PHACTR2: variants seen among roughly 807,000 people sequenced by gnomAD.
PHACTR2 encodes the protein chromosome 6 open reading frame 56.
In PHACTR2, 30 loss-of-function variants were observed where a neutral mutation model predicts 76.0. The ratio of observed to expected loss-of-function variants is 0.39; its 90% confidence interval spans 0.30 to 0.54. PHACTR2 has a LOEUF of 0.54. Ranked by LOEUF, PHACTR2 falls within the 20% of genes least tolerant of loss-of-function variation. The pLI is 0.61. For synonymous variants in PHACTR2, 292 were observed against 292.5 expected (o/e 1.00, Z 0.02); for missense variants, 696 against 781.1 (o/e 0.89, Z 1.30).
chr6:143,649,315 A>T (rs910029985), intron 1 of PHACTR2, among the ~76,000 whole-genome samples: 8 of 152,080 alleles, frequency 5.3e-5, no homozygotes, highest in African/African-American at 1.9e-4. Flanking sequence ...TGGCTTTAAA[A>T]TGCTGGTAAA....
chr6:143,819,406 G>C lies in PHACTR2; in HGVS notation c.1923-4268G>C, dbSNP rs1205256423. Among the ~76,000 whole-genome samples the C allele has an allele frequency of 6.6e-6, 1 of 152,194 alleles. No individual in the cohort carries two copies. Among genetic ancestry groups the C allele is most frequent in the Non-Finnish European group, 1.5e-5 (1 of 68,036 alleles). ...GGTCTGTATCTGTCTGAGTTCTCCA[G>C]AGAAACAAAACCAATAAGATATATG... On this transcript the variant is annotated intron_variant, in intron 12 of 12. Coordinates refer to ENST00000440869, the MANE Select transcript of PHACTR2 (RefSeq NM_001100164.2). This position sits in a 1 kb window ranked among gnomAD's most constrained non-coding sequence, Gnocchi z 5.0.
In PHACTR2 at chr6:143,617,365, A is replaced by G. The variant is rs1349683984; in HGVS notation, c.13+9043A>G. 6.6e-6 allele frequency among the ~76,000 whole-genome samples: 1 copy of G among 152,208 alleles called. No homozygotes were observed. The highest frequency in any genetic ancestry group is 1.5e-5 in the Non-Finnish European group (1 of 68,044). Reference sequence around the variant, plus strand: ...CCAGATTTAAAAGTCTTGAGGGCAGATGCCACATCATAGACATCTTTTATG... The same window carrying G: ...CCAGATTTAAAAGTCTTGAGGGCAGGTGCCACATCATAGACATCTTTTATG... On this transcript the variant is annotated intron_variant, in intron 1 of 11. Coordinates refer to the PHACTR2 transcript ENST00000305766. This position sits in a 1 kb window ranked among gnomAD's most constrained non-coding sequence, Gnocchi z 4.8.
intron 2 of PHACTR2, among the ~76,000 whole-genome samples, chr6:143,747,776 G>C (rs1779097560): frequency 6.6e-6 from 1 of 152,192 alleles, no homozygotes; most frequent in African/African-American, 2.4e-5. Flanking sequence ...GAGTTCTGCA[G>C]AACACGCTTT....
chr6:143,715,120 C>G (rs759937446), intron 2 of PHACTR2, among the ~76,000 whole-genome samples: 1 of 152,132 alleles, frequency 6.6e-6, no homozygotes, highest in African/African-American at 2.4e-5. Flanking sequence ...CTGTATTCAC[C>G]GAGGTTACTC....
Position 143,652,871 on chromosome 6 carries a change from A to G in PHACTR2, c.13+44549A>G, listed in dbSNP as rs1776788434. Among the ~76,000 whole-genome samples, 1 of 152,070 alleles carries G rather than the reference A, an allele frequency of 6.6e-6. No homozygotes were observed. The highest frequency in any genetic ancestry group is 2.1e-4 in the South Asian group (1 of 4,822). On this transcript the variant is annotated intron_variant, in intron 1 of 11. Transcript: ENST00000305766. The surrounding 1 kb of genome is among the most constrained non-coding windows in gnomAD (Gnocchi z 4.5). ...GAAATTCAGTCACTTTGTAGCAGCC[A>G]CTCTAAGGAGGATGATTCATGGTCC...
rs1451319871 is a variant in PHACTR2, at chr6:143,589,879, G to A, written c.217+52672G>A. 6.6e-6 allele frequency among the ~76,000 whole-genome samples: 1 copy of A among 152,164 alleles called. No homozygotes were observed. The highest frequency in any genetic ancestry group is 1.5e-5 in the Non-Finnish European group (1 of 68,024). On this transcript the variant is annotated intron_variant, in intron 1 of 11. Coordinates refer to the PHACTR2 transcript ENST00000367584. The surrounding 1 kb of genome is among the most constrained non-coding windows in gnomAD (Gnocchi z 4.4). ...CCAGCTCATTCTAGAACCAGGCAAG[G>A]ATAATAGGAGAAGGGAAAATGGCAG...
At chr6:143,577,726 C>T (rs1246139687) in intron 1 of PHACTR2, among the ~76,000 whole-genome samples, 2 of 151,434 alleles carry the variant, frequency 1.3e-5, no homozygotes, top group African/African-American at 4.9e-5. Context: ...GTGTGAGATC[C>T]TGAAAACCAT....
Position 143,585,831 on chromosome 6 carries a change from G to A in PHACTR2, c.217+48624G>A, listed in dbSNP as rs538757129. ...GATTTGGCTAGGGAATTAATGTAGC[G>A]CTGAATGTTTAAACGGGAAGTGGAT... is the stretch of plus-strand genomic sequence containing the variant. On this transcript the variant is annotated intron_variant, in intron 1 of 11. Coordinates refer to the PHACTR2 transcript ENST00000367584. This position sits in a 1 kb window ranked among gnomAD's most constrained non-coding sequence, Gnocchi z 5.2. Among the ~76,000 whole-genome samples, 2 of 152,292 alleles carry A rather than the reference G, an allele frequency of 1.3e-5. No homozygotes were observed. The highest frequency in any genetic ancestry group is 2.1e-4 in the South Asian group (1 of 4,826).
intron 7 of PHACTR2, among the ~76,000 whole-genome samples, chr6:143,773,441 C>T (rs1214328117): frequency 2.7e-5 from 4 of 150,316 alleles, no homozygotes; most frequent in African/African-American, 9.8e-5. Context: ...GAGGGATTCA[C>T]TGTGGACTGA....
At chr6:143,808,808 A>G (rs1486731991) in intron 12 of PHACTR2, among the ~76,000 whole-genome samples, 3 of 152,168 alleles carry the variant, frequency 2.0e-5, no homozygotes, top group Non-Finnish European at 2.9e-5. Flanking sequence ...GCTTTATTCT[A>G]TCATAATCTA....
In PHACTR2 at chr6:143,816,627, C is replaced by A. The variant is rs1776301845; in HGVS notation, c.1923-7047C>A. 6.6e-6 allele frequency among the ~76,000 whole-genome samples: 1 copy of A among 151,658 alleles called. No individual in the cohort carries two copies. Among genetic ancestry groups the A allele is most frequent in the Non-Finnish European group, 1.5e-5 (1 of 67,992 alleles). The stretch of plus-strand genomic sequence containing the variant: ...GTTGGTGGCCTGTGACCTTCCAATG[C>A]AATCTAGACTGTGGAACTCACTGTG... On this transcript the variant is annotated intron_variant, in intron 12 of 12. Coordinates refer to ENST00000440869, the MANE Select transcript of PHACTR2 (RefSeq NM_001100164.2). This position sits in a 1 kb window ranked among gnomAD's most constrained non-coding sequence, Gnocchi z 4.5.
In PHACTR2 at chr6:143,774,132, A is replaced by G. The variant is rs1197273498; in HGVS notation, c.1506A>G (p.Glu502=). The change falls in exon 8 of 13, where the codon GAA becomes GAG. Residue 502 remains glutamate (E), a synonymous_variant. Coordinates refer to ENST00000440869, the MANE Select transcript of PHACTR2 (RefSeq NM_001100164.2). The surrounding 1 kb of genome is among the most constrained non-coding windows in gnomAD (Gnocchi z 5.4). The part of the protein sequence containing the change: ...IKLGNRPSKK[E]LEDKNILQRT... ...TTGGCAACAGACCATCTAAGAAAGA[A>G]CTAGAGGACAAAAACATCTTGCAGC... is the stretch of plus-strand genomic sequence containing the variant. The G allele has an allele frequency of 6.2e-7, 1 of 1,614,010 alleles. No individual in the cohort carries two copies. Among genetic ancestry groups the G allele is most frequent in the South Asian group, 1.1e-5 (1 of 91,064 alleles).
intron 2 of PHACTR2, among the ~76,000 whole-genome samples, chr6:143,718,580 G>T (rs558220221): frequency 6.6e-6 from 1 of 152,310 alleles, no homozygotes; most frequent in South Asian, 2.1e-4. Context: ...GAAGGATTTT[G>T]TCTGAAGAAT....
In PHACTR2 at chr6:143,708,983, C is replaced by G. The variant is rs560819236; in HGVS notation, c.47-3033C>G. 6.6e-6 allele frequency among the ~76,000 whole-genome samples: 1 copy of G among 152,052 alleles called. No homozygotes were observed. The highest frequency in any genetic ancestry group is 1.5e-5 in the Non-Finnish European group (1 of 68,014). ...TGTTTCTATGTTCATAATAATTAGC[C>G]CTTTTATATTTTACAACATTTAAGT... On this transcript the variant is annotated intron_variant, in intron 1 of 12. Transcript: ENST00000440869. This position sits in a 1 kb window ranked among gnomAD's most constrained non-coding sequence, Gnocchi z 5.5.
Position 143,647,838 on chromosome 6 carries a change from G to A in PHACTR2, c.13+39516G>A, listed in dbSNP as rs1284973299. Among the ~76,000 whole-genome samples, 2 of 152,182 alleles carry A rather than the reference G, an allele frequency of 1.3e-5. No individual in the cohort carries two copies. The highest frequency in any genetic ancestry group is 1.5e-5 in the Non-Finnish European group (1 of 68,030). ...GGCTGGAAAGGGCAGGTAAGGGAGA[G>A]CATAAGGGGAAATGGGCACAGAGCT... On this transcript the variant is annotated intron_variant, in intron 1 of 11. Transcript: ENST00000305766. The surrounding 1 kb of genome is among the most constrained non-coding windows in gnomAD (Gnocchi z 4.2).
intron 1 of PHACTR2, among the ~76,000 whole-genome samples, chr6:143,588,890 A>T (rs1000754468): frequency 1.3e-5 from 2 of 152,252 alleles, no homozygotes; most frequent in Admixed American, 1.3e-4. Context: ...AAACTGGCTT[A>T]TGACAAAATA....
intron 1 of PHACTR2, among the ~76,000 whole-genome samples, chr6:143,594,536 T>C (rs996512608): frequency 6.6e-6 from 1 of 152,236 alleles, no homozygotes; most frequent in Non-Finnish European, 1.5e-5. Flanking sequence ...AATGTAAGTA[T>C]CCTGGTGGAA....
intron 1 of PHACTR2, among the ~76,000 whole-genome samples, chr6:143,559,202 G>A (rs1395785173): frequency 6.6e-6 from 1 of 152,158 alleles, no homozygotes; most frequent in African/African-American, 2.4e-5. Context: ...CTCCTTTGGG[G>A]TAGCTTTGGA....
upstream of PHACTR2, among the ~76,000 whole-genome samples, chr6:143,677,284 ATATT>A (rs138032324): frequency 0.16 from 24,758 of 152,070 alleles, 2,140 homozygotes; most frequent in East Asian, 0.34. Flanking sequence ...AATATGAAGA[ATATT>A]TATTTGTATT....
Sources: gnomAD v4.1 joint callset for allele counts (sites outside exome capture counted in the v4.1 genomes callset) on GRCh38, gnomAD v4.1.1 for gene constraint, Gnocchi (gnomAD v3.1) non-coding constraint, MANE v1.5 for transcripts, NCBI Gene and HGNC (gene_info 2026-07-23, HGNC 2026-07-21) for gene names.